Variants in GGNBP2 observed in about 807,000 individuals in gnomAD.
The protein encoded by GGNBP2 is gametogenetin binding protein 2.
GGNBP2 carries 10 observed loss-of-function variants against 85.9 expected under a neutral mutation model. The observed-to-expected ratio is 0.12, with a 90% CI of 0.07 to 0.20. GGNBP2 has a LOEUF of 0.20. Ranked by LOEUF, GGNBP2 falls within the 10% of genes least tolerant of loss-of-function variation. The probability of loss-of-function intolerance (pLI) is 1.00; values close to 1 mark genes in which losing one functional copy is unlikely to be tolerated. For missense variants in GGNBP2, 595 were observed against 857.8 expected (o/e 0.69, Z 3.83); for synonymous variants, 287 against 285.7 (o/e 1.00, Z -0.05).
At chr17:36,563,594 T>TTG (rs1229008906) in intron 5 of GGNBP2, among the ~76,000 whole-genome samples, 1 of 151,802 alleles carries the variant, frequency 6.6e-6, no homozygotes, top group African/African-American at 2.4e-5. Context: ...TTCTGGTTTT[T>TTG]TTTTTTTTTT....
At position 36,557,175 on chromosome 17, in the gene GGNBP2, T is replaced by C. The variant is rs1178369258; in HGVS notation, c.267T>C (p.Cys89=). 2.5e-6 allele frequency: 4 copies of C among 1,614,140 alleles called. No individual in the cohort carries two copies. The highest frequency in any genetic ancestry group is 2.5e-6 in the Non-Finnish European group (3 of 1,180,030). The change falls in exon 4 of 14, where the codon TGT becomes TGC. Residue 89 remains cysteine, a synonymous_variant. Transcript: ENST00000613102. The part of the protein sequence containing the change: ...VLSALSQLVP[C]VGCRRSVERL... ...GTGCACTTTCTCAGCTTGTCCCATG[T>C]GTTGGTTGTCGTCGCAGTGTGGAGC...
intron 9 of GGNBP2, among the ~76,000 whole-genome samples, chr17:36,583,287 C>T (rs1413327503): frequency 4.0e-5 from 6 of 151,834 alleles, no homozygotes; most frequent in African/African-American, 1.5e-4. Context: ...CTCTTGACCT[C>T]GTGATCCGCC....
chr17:36,551,088 A>G (rs550367152), intron 2 of GGNBP2, among the ~76,000 whole-genome samples: 1 of 152,344 alleles, frequency 6.6e-6, no homozygotes, highest in South Asian at 2.1e-4. Flanking sequence ...GTAGTATGCA[A>G]GCTGATGAAA....
chr17:36,575,835 C>T (rs1162880239), intron 6 of GGNBP2, among the ~76,000 whole-genome samples: 2 of 149,604 alleles, frequency 1.3e-5, no homozygotes, highest in African/African-American at 4.9e-5. Context: ...TTAGTAGAGA[C>T]GGGGTTTCAC....
chr17:36,579,426 A>T lies in GGNBP2; in HGVS notation c.1020+7A>T, dbSNP rs758854739. 1 of 1,613,326 alleles carries T rather than the reference A, an allele frequency of 6.2e-7. No individual in the cohort carries two copies. The highest frequency in any genetic ancestry group is 8.5e-7 in the Non-Finnish European group (1 of 1,179,290). ...TTTACGCAAGAGTTTTGAGGTAAGAACAGTGGGCTGTTCCAGTATCTCAGA... is the reference window on the plus strand; with the variant it reads ...TTTACGCAAGAGTTTTGAGGTAAGATCAGTGGGCTGTTCCAGTATCTCAGA... On this transcript the variant is annotated splice_region_variant and intron_variant, in intron 8 of 13. Coordinates refer to ENST00000613102, the MANE Select transcript of GGNBP2 (RefSeq NM_024835.5).
chr17:36,589,147 C>A, intron 13 of GGNBP2, 61 bp from the exon 14 acceptor site: 1 of 1,203,932 alleles, frequency 8.3e-7, no homozygotes. Context: ...AGCTGTCCTC[C>A]TCCATTACAT....
At chr17:36,551,582 G>A (rs1199400116) in intron 2 of GGNBP2, among the ~76,000 whole-genome samples, 1 of 151,702 alleles carries the variant, frequency 6.6e-6, no homozygotes, top group South Asian at 2.1e-4. Flanking sequence ...GGTGGCTCAT[G>A]CCTGTAATCC....
rs575355422 is a variant in GGNBP2, at chr17:36,580,142, G to A, written c.1020+723G>A. On this transcript the variant is annotated intron_variant, in intron 8 of 13. Coordinates refer to ENST00000613102, the MANE Select transcript of GGNBP2 (RefSeq NM_024835.5). The stretch of plus-strand genomic sequence containing the variant: ...TCATTTTGCCTGCTAATGTCCAGTA[G>A]TATGAAGTAAATGCTGTGTGAATGC... 1.5e-4 allele frequency among the ~76,000 whole-genome samples: 23 copies of A among 152,140 alleles called. No homozygotes were observed. The South Asian group carries it at 4.8e-3, about 32-fold the overall frequency.
At chr17:36,576,553 C>A (rs1599538901) in intron 6 of GGNBP2, 2 of 25,462 alleles carry the variant, frequency 7.9e-5, no homozygotes, top group African/African-American at 5.7e-4. Flanking sequence ...GACTCTGTCT[C>A]AAAAAAAAAA....
rs748329844 is a variant in GGNBP2 at position 36,586,154 on chromosome 17, A to G, written c.1597A>G (p.Lys533Glu). ...SEENDTKGKN[K>E]KKKKKSKILK... is the part of the protein sequence containing the mutation. ...AGAGAACGACACAAAAGGAAAAAAT[A>G]AAAAGAAGAAGAAGAAAAGCAAGAT... The change falls in exon 12 of 14, where the codon AAA becomes GAA. Residue 533 changes from lysine to glutamate, a missense_variant. By Grantham distance (56) the Lys-to-Glu change is moderately conservative (BLOSUM62 1). Transcript: ENST00000613102. 6.2e-7 allele frequency: 1 copy of G among 1,612,838 alleles called. No homozygotes were observed. Among genetic ancestry groups the G allele is most frequent in the Non-Finnish European group, 8.5e-7 (1 of 1,179,662 alleles).
At chr17:36,586,877 C>T (rs2074706784) in intron 12 of GGNBP2, 120 bp from the exon 13 acceptor site, 4 of 1,022,976 alleles carry the variant, frequency 3.9e-6, no homozygotes, top group Non-Finnish European at 4.2e-6. Context: ...CCTCGGCCTC[C>T]CAAAATGTTG....
At position 36,571,799 on chromosome 17, in the gene GGNBP2, C is replaced by T. The variant is rs572058366; in HGVS notation, c.641+4023C>T. 4.6e-3 allele frequency among the ~76,000 whole-genome samples: 702 copies of T among 152,026 alleles called. 4 individuals are homozygous for T. Among genetic ancestry groups the T allele is most frequent in the Non-Finnish European group, 7.9e-3 (540 of 67,984 alleles). On this transcript the variant is annotated intron_variant, in intron 6 of 13. Coordinates refer to ENST00000613102, the MANE Select transcript of GGNBP2 (RefSeq NM_024835.5). ...CGGAACTTGCAGTGAGCCGAGTTTG[C>T]GCCACTGCACTGCAGCCTGGGCGAC...
intron 6 of GGNBP2, among the ~76,000 whole-genome samples, chr17:36,568,457 C>A (rs574470418): frequency 6.6e-6 from 1 of 152,084 alleles, no homozygotes; most frequent in Non-Finnish European, 1.5e-5. Flanking sequence ...CCACCACGCC[C>A]GGCTAATTTT....
chr17:36,568,399 C>CGGTT, intron 6 of GGNBP2, among the ~76,000 whole-genome samples: 1 of 151,988 alleles, frequency 6.6e-6, no homozygotes, highest in East Asian at 1.9e-4. Context: ...CGCGTTCCAG[C>CGGTT]GGTTCTCCTG....
At chr17:36,589,078 C>A (rs1460498772) in intron 13 of GGNBP2, 130 bp from the exon 14 acceptor site, 3 of 663,564 alleles carry the variant, frequency 4.5e-6, no homozygotes, top group Non-Finnish European at 8.0e-6. Context: ...TGCAAACACT[C>A]CAATTAAAGG....
chr17:36,586,893 G>A, intron 12 of GGNBP2, 104 bp from the exon 13 acceptor site: 1 of 1,147,288 alleles, frequency 8.7e-7, no homozygotes, highest in Non-Finnish European at 1.2e-6. Context: ...TGTTGAGATT[G>A]TAGGCATGAG....
intron 2 of GGNBP2, among the ~76,000 whole-genome samples, chr17:36,550,113 T>C (rs1179139262): frequency 6.6e-6 from 1 of 152,024 alleles, no homozygotes; most frequent in African/African-American, 2.4e-5. Context: ...AGTTTTTGTA[T>C]TTTTAGTAGA....
intron 5 of GGNBP2, among the ~76,000 whole-genome samples, chr17:36,561,919 G>A (rs148624159): frequency 2.0e-5 from 3 of 152,210 alleles, no homozygotes; most frequent in African/African-American, 7.2e-5. Context: ...CACCGCGCCC[G>A]GCCTATTTTA....
rs763953849 is a variant in GGNBP2, at chr17:36,586,193, G to A, written c.1636G>A (p.Glu546Lys). 1 of 1,611,166 alleles carries A rather than the reference G, an allele frequency of 6.2e-7. No homozygotes were observed. Among genetic ancestry groups the A allele is most frequent in the East Asian group, 2.2e-5 (1 of 44,864 alleles). ...KKKSKILKCD[E>K]HIQKLGSCIT... The stretch of plus-strand genomic sequence containing the variant: ...GAAAAGCAAGATACTGAAATGTGAT[G>A]AACATGTAAGTGTCATAACTTGTAA... Residue 546 changes from glutamate (E) to lysine (K), a missense_variant, in exon 12 of 14, where the codon GAA (glutamate) becomes AAA (lysine). Physicochemically the swap from Glu to Lys is moderately conservative, Grantham distance 56. Transcript: ENST00000613102.
Sources: gnomAD v4.1 joint callset for allele counts (sites outside exome capture counted in the v4.1 genomes callset) on GRCh38, gnomAD v4.1.1 for gene constraint, MANE v1.5 for transcripts, NCBI Gene and HGNC (gene_info 2026-07-23, HGNC 2026-07-21) for gene names.